Variants in ARHGAP19 observed in about 807,000 individuals in gnomAD.
The protein encoded by ARHGAP19 is Rho GTPase activating protein 19, also known as rho GTPase-activating protein 19.
Under a neutral mutation model 60.9 loss-of-function variants are expected in ARHGAP19, and 48 were observed. That is an observed-to-expected ratio of 0.79 (90% CI 0.62 to 1.00). The LOEUF is 1.00. Among genes scored for constraint, ARHGAP19 ranks in the 50% least tolerant of loss-of-function variants. ARHGAP19 has a pLI of 0.00. For missense variants in ARHGAP19, 562 were observed against 597.2 expected (o/e 0.94, Z 0.61); for synonymous variants, 209 against 215.5 (o/e 0.97, Z 0.27).
chr10:97,245,455 C>T (rs1842549786), intron 7 of ARHGAP19, among the ~76,000 whole-genome samples: 1 of 151,962 alleles, frequency 6.6e-6, no homozygotes, highest in African/African-American at 2.4e-5. Context: ...AACCCCATCT[C>T]TACCAAAAAT....
chr10:97,241,879 G>A (rs1325830427), intron 8 of ARHGAP19, among the ~76,000 whole-genome samples: 5 of 148,892 alleles, frequency 3.4e-5, no homozygotes, highest in African/African-American at 4.9e-5. Flanking sequence ...GCATGGTGGC[G>A]GGCACCTGTA....
intron 6 of ARHGAP19, among the ~76,000 whole-genome samples, chr10:97,251,497 A>G (rs116478658): frequency 0.31 from 34 of 110 alleles, 4 homozygotes; most frequent in Admixed American, 0.38. Context: ...GGGAGGGGAA[A>G]GGAAGGGTAA....
chr10:97,262,601 G>A (rs1589465470), intron 4 of ARHGAP19, among the ~76,000 whole-genome samples: 1 of 152,096 alleles, frequency 6.6e-6, no homozygotes, highest in East Asian at 1.9e-4. Flanking sequence ...GGAGGCGGAG[G>A]TTGCAGTGAG....
At chr10:97,227,028 G>A (rs1234872665) in intron 11 of ARHGAP19, among the ~76,000 whole-genome samples, 1 of 152,124 alleles carries the variant, frequency 6.6e-6, no homozygotes. Context: ...GCATCGATGG[G>A]GTAAAGGCCA....
At chr10:97,290,578 C>T (rs1165185937) in intron 1 of ARHGAP19, among the ~76,000 whole-genome samples, 3 of 152,082 alleles carry the variant, frequency 2.0e-5, no homozygotes, top group Non-Finnish European at 4.4e-5. Context: ...GGAAGCGGCC[C>T]GCCATCATCT....
At chr10:97,271,042 T>C (rs1376563400) in intron 1 of ARHGAP19, among the ~76,000 whole-genome samples, 1 of 151,974 alleles carries the variant, frequency 6.6e-6, no homozygotes, top group African/African-American at 2.4e-5. Context: ...AAAGCCAAAT[T>C]TAAAAACATT....
In ARHGAP19 at chr10:97,223,256, T is replaced by C. The variant is rs2134790011; in HGVS notation, c.*2866A>G. The C allele has an allele frequency of 6.6e-6, 1 of 152,294 alleles. No individual in the cohort carries two copies. The highest frequency in any genetic ancestry group is 2.1e-4 in the South Asian group (1 of 4,824). The allele number at this position is 152,294 out of a possible 1,614,324, so 9.4% of individuals were successfully genotyped here. A position where few individuals can be genotyped will look rare whatever the true frequency, so the allele number is the denominator to read the frequency against. ...AACTGTAGTTTTGGTTACGATTCAT[T>C]ACCTGCTCCTTTTTTTACGGTTCGT... On this transcript the variant is annotated 3_prime_UTR_variant, in exon 12 of 12. Coordinates refer to ENST00000358531, the MANE Select transcript of ARHGAP19 (RefSeq NM_032900.6).
intron 3 of ARHGAP19, among the ~76,000 whole-genome samples, chr10:97,263,980 G>A (rs1338008521): frequency 6.6e-6 from 1 of 152,134 alleles, no homozygotes; most frequent in Non-Finnish European, 1.5e-5. Flanking sequence ...ACCTCTTCTT[G>A]TTTATCCCAG....
intron 1 of ARHGAP19, among the ~76,000 whole-genome samples, chr10:97,282,272 G>A (rs1445651633): frequency 2.0e-5 from 3 of 152,184 alleles, no homozygotes; most frequent in Non-Finnish European, 4.4e-5. Flanking sequence ...CTGGTGGGAT[G>A]TAAGACTGAC....
At position 97,224,712 on chromosome 10, in the gene ARHGAP19, A is replaced by T. The variant is rs924135100; in HGVS notation, c.*1410T>A. ...TAGTGGCCTGACTCGGCTCCAACCC[A>T]CAGGGTGAGAAGGGTTGTACAGCTC... On this transcript the variant is annotated 3_prime_UTR_variant, in exon 12 of 12. Transcript: ENST00000358531. 4.6e-5 allele frequency: 7 copies of T among 152,382 alleles called. No individual in the cohort carries two copies. In the East Asian group the frequency reaches 1.4e-3, roughly 29 times the overall value. 9.4% of individuals were successfully genotyped at this position (152,382 alleles called of 1,614,324 possible).
At chr10:97,251,055 T>C (rs1175307603) in intron 6 of ARHGAP19, among the ~76,000 whole-genome samples, 1 of 132,768 alleles carries the variant, frequency 7.5e-6, no homozygotes, top group East Asian at 2.2e-4. Flanking sequence ...AGTGAGACCC[T>C]GTCAAAAGAA....
chr10:97,287,625 C>A (rs1843173149), intron 1 of ARHGAP19, among the ~76,000 whole-genome samples: 1 of 152,084 alleles, frequency 6.6e-6, no homozygotes, highest in African/African-American at 2.4e-5. Context: ...TGCCTGTAGT[C>A]CCAGCTACTT....
chr10:97,242,335 T>A (rs1258445937), intron 8 of ARHGAP19, among the ~76,000 whole-genome samples: 6 of 140,014 alleles, frequency 4.3e-5, no homozygotes, highest in Admixed American at 4.2e-4. Flanking sequence ...TTTTTTTTTT[T>A]TTTTTTTTTT....
At chr10:97,264,974 C>A (rs1842879420) in intron 2 of ARHGAP19, 68 bp from the exon 3 acceptor site, 2 of 1,170,142 alleles carry the variant, frequency 1.7e-6, no homozygotes. Flanking sequence ...ATACCTAAAA[C>A]CACTCAAGCA....
intron 1 of ARHGAP19, among the ~76,000 whole-genome samples, chr10:97,288,149 A>G (rs1371906108): frequency 1.3e-5 from 2 of 152,208 alleles, no homozygotes; most frequent in Non-Finnish European, 2.9e-5. Context: ...ATGATGAAAA[A>G]ACAAAAAGCT....
intron 7 of ARHGAP19, among the ~76,000 whole-genome samples, chr10:97,245,401 G>A (rs563874878): frequency 6.6e-6 from 1 of 151,962 alleles, no homozygotes; most frequent in Non-Finnish European, 1.5e-5. Context: ...TGAGGCAGTC[G>A]GACTACTTGA....
chr10:97,256,833 G>A (rs12261079), intron 5 of ARHGAP19, among the ~76,000 whole-genome samples: 4,119 of 152,230 alleles, frequency 0.027, 178 homozygotes, highest in African/African-American at 0.091. Context: ...TAAAAACACA[G>A]TAAAATTACC....
At chr10:97,282,030 T>C (rs1843091611) in intron 1 of ARHGAP19, among the ~76,000 whole-genome samples, 1 of 152,174 alleles carries the variant, frequency 6.6e-6, no homozygotes, top group African/African-American at 2.4e-5. Context: ...GAATTCCCAA[T>C]ACGTATTTTC....
chr10:97,264,119 AAG>A (rs1310592114), intron 3 of ARHGAP19, among the ~76,000 whole-genome samples: 1 of 152,186 alleles, frequency 6.6e-6, no homozygotes, highest in Non-Finnish European at 1.5e-5. Context: ...TCAAATTCCT[AAG>A]AGATTCCCAG....
Sources: gnomAD v4.1 joint callset for allele counts (sites outside exome capture counted in the v4.1 genomes callset) on GRCh38, gnomAD v4.1.1 for gene constraint, MANE v1.5 for transcripts, NCBI Gene and HGNC (gene_info 2026-07-23, HGNC 2026-07-21) for gene names.